The following SEZ6 variants were observed in gnomAD, a reference collection of about 807,000 sequenced individuals.
SEZ6 encodes seizure related 6 homolog.
A neutral mutation model predicts 101.0 loss-of-function variants in SEZ6; 53 were observed. That is an observed-to-expected ratio of 0.52 (90% CI 0.42 to 0.66). The LOEUF is 0.66. Among genes scored for constraint, SEZ6 ranks in the 30% least tolerant of loss-of-function variants. SEZ6 has a pLI of 0.00. For missense variants in SEZ6, 1,102 were observed against 1,289.4 expected, an observed-to-expected ratio of 0.85 and a Z score of 2.23; for synonymous variants, 488 against 512.2, an observed-to-expected ratio of 0.95 and a Z score of 0.64.
chr17:28,979,940 T>TAGAC, intron 2 of SEZ6, 127 bp from the exon 3 acceptor site: 1 of 1,065,940 alleles, frequency 9.4e-7, no homozygotes, highest in Non-Finnish European at 1.3e-6. Context: ...AGACCACCTC[T>TAGAC]TGTGATGTCT....
At position 28,956,696 on chromosome 17, in the gene SEZ6, T is replaced by C. The variant is rs2040884049; in HGVS notation, c.2731+23A>G. 9 of 1,556,830 alleles carry C rather than the reference T, an allele frequency of 5.8e-6. 1 individual carries two copies. The Middle Eastern group carries it at 5.0e-4, about 86-fold the overall frequency. On this transcript the variant is annotated intron_variant, in intron 14 of 16. Coordinates refer to ENST00000317338, the MANE Select transcript of SEZ6 (RefSeq NM_178860.5). ...ACCAGGACCAGGGAGACCACTTCTC[T>C]GGCCTCAAGGGTGGAGACTTACCAT...
intron 5 of SEZ6, among the ~76,000 whole-genome samples, chr17:28,963,548 C>T (rs982902042): frequency 1.3e-5 from 2 of 152,212 alleles, no homozygotes; most frequent in Admixed American, 1.3e-4. Context: ...CCACGTTGTT[C>T]TCTCCATTTA....
chr17:28,956,000 G>A lies in SEZ6; in HGVS notation c.2953-6C>T, dbSNP rs776973372. 6.2e-7 allele frequency: 1 copy of A among 1,612,556 alleles called. No homozygotes were observed. Among genetic ancestry groups the A allele is most frequent in the African/African-American group, 1.3e-5 (1 of 74,870 alleles). On this transcript the variant is annotated splice_polypyrimidine_tract_variant and splice_region_variant and intron_variant, in intron 16 of 16. Transcript: ENST00000317338. ...TCTCCTGCAAAGGAAAGAGACTGCTGGGAGTTGGAAACTTGTATTAGGTTT... is the reference window on the plus strand; with the variant it reads ...TCTCCTGCAAAGGAAAGAGACTGCTAGGAGTTGGAAACTTGTATTAGGTTT...
At chr17:28,958,845 A>G (rs112848367) in intron 10 of SEZ6, among the ~76,000 whole-genome samples, 180 bp downstream of exon 10, 10 of 151,892 alleles carry the variant, frequency 6.6e-5, no homozygotes, top group South Asian at 2.1e-4. Flanking sequence ...TCTTGCCACT[A>G]TAGAATTCTG....
chr17:28,980,588 T>C (rs2041286492), intron 2 of SEZ6, among the ~76,000 whole-genome samples: 1 of 152,054 alleles, frequency 6.6e-6, no homozygotes, highest in Non-Finnish European at 1.5e-5. Flanking sequence ...GCAAGGGTGG[T>C]CTCGATCTCC....
chr17:29,004,412 C>G (rs2041656760), intron 1 of SEZ6, among the ~76,000 whole-genome samples: 1 of 152,218 alleles, frequency 6.6e-6, no homozygotes, highest in African/African-American at 2.4e-5. Flanking sequence ...CCCCTCTCCC[C>G]AGAACGTGAG....
chr17:28,958,718 A>G (rs113877809), intron 10 of SEZ6, among the ~76,000 whole-genome samples: 2,543 of 151,576 alleles, frequency 0.017, 67 homozygotes, highest in African/African-American at 0.058. Flanking sequence ...TGAGCCCAGG[A>G]GGTGGAGGTT....
chr17:28,979,892 T>TGC (rs1713560426), intron 2 of SEZ6, 79 bp from the exon 3 acceptor site: 1 of 1,119,640 alleles, frequency 8.9e-7, no homozygotes, highest in African/African-American at 1.9e-5. Flanking sequence ...TGTGTGTGTG[T>TGC]GTGTGTGTGT....
At chr17:28,960,749 C>T in intron 6 of SEZ6, 56 bp downstream of exon 6, 1 of 1,612,086 alleles carries the variant, frequency 6.2e-7, no homozygotes, top group Middle Eastern at 1.7e-4. Flanking sequence ...GGTAGCGTCC[C>T]TCCAGCAGGG....
chr17:28,987,960 C>T (rs1473215572), intron 1 of SEZ6, among the ~76,000 whole-genome samples: 1 of 152,176 alleles, frequency 6.6e-6, no homozygotes, highest in African/African-American at 2.4e-5. Context: ...CCTCCTATCT[C>T]CCCACCAAGC....
At chr17:28,994,889 T>A (rs532895459) in intron 1 of SEZ6, among the ~76,000 whole-genome samples, 3 of 152,104 alleles carry the variant, frequency 2.0e-5, no homozygotes, top group Non-Finnish European at 2.9e-5. Context: ...TTCTTTTTTT[T>A]TTGAGACAGA....
At chr17:28,961,588 A>T (rs2040979346) in intron 5 of SEZ6, among the ~76,000 whole-genome samples, 1 of 152,220 alleles carries the variant, frequency 6.6e-6, no homozygotes, top group African/African-American at 2.4e-5. Flanking sequence ...CCTCACTACC[A>T]CTGCCGTTCC....
In SEZ6 at chr17:28,956,268, G is replaced by A. The variant is rs2040876919; in HGVS notation, c.2850-7C>T. On this transcript the variant is annotated splice_polypyrimidine_tract_variant and splice_region_variant and intron_variant, in intron 15 of 16. Transcript: ENST00000317338. The stretch of plus-strand genomic sequence containing the variant: ...GGAGCTTTTTCCCTGGAGCCTGTGG[G>A]GCAGAGAAGCCTGCAAGTCAGGAGC... 1.3e-6 allele frequency: 2 copies of A among 1,596,292 alleles called. No homozygotes were observed. The highest frequency in any genetic ancestry group is 2.7e-5 in the African/African-American group (2 of 74,870).
intron 4 of SEZ6, among the ~76,000 whole-genome samples, chr17:28,966,875 T>C (rs1261522761): frequency 6.6e-6 from 1 of 152,230 alleles, no homozygotes; most frequent in East Asian, 1.9e-4. Context: ...GGAGAATTCC[T>C]CCTCTTCTGT....
At chr17:28,991,943 G>A (rs372027588) in intron 1 of SEZ6, among the ~76,000 whole-genome samples, 2 of 152,194 alleles carry the variant, frequency 1.3e-5, no homozygotes, top group Non-Finnish European at 2.9e-5. Context: ...ACTTAGCTTC[G>A]TACTTTGCCC....
intron 3 of SEZ6, among the ~76,000 whole-genome samples, chr17:28,974,512 T>G (rs1346226043): frequency 6.6e-6 from 1 of 152,210 alleles, no homozygotes; most frequent in South Asian, 2.1e-4. Context: ...TCACATCCAT[T>G]ATCTCTTCAG....
At chr17:28,966,015 C>A (rs549636411) in intron 4 of SEZ6, among the ~76,000 whole-genome samples, 1 of 151,854 alleles carries the variant, frequency 6.6e-6, no homozygotes, top group Admixed American at 6.6e-5. Context: ...TGGTGGCAGG[C>A]GCCTGTTATC....
intron 4 of SEZ6, among the ~76,000 whole-genome samples, chr17:28,967,455 T>C (rs2041087606): frequency 1.3e-5 from 2 of 152,102 alleles, no homozygotes; most frequent in African/African-American, 4.8e-5. Context: ...AAGTAGAAAC[T>C]TGGGTTCAGG....
At chr17:28,963,067 T>C (rs2041008683) in intron 5 of SEZ6, among the ~76,000 whole-genome samples, 1 of 147,738 alleles carries the variant, frequency 6.8e-6, no homozygotes, top group Non-Finnish European at 1.5e-5. Context: ...GAGCTTGCAG[T>C]GAGCCGAGAT....
Sources: allele counts gnomAD v4.1 joint callset (sites outside exome capture counted in the v4.1 genomes callset), GRCh38; gene constraint gnomAD v4.1.1; transcripts MANE v1.5; gene names NCBI Gene and HGNC (gene_info 2026-07-23, HGNC 2026-07-21).